MYO1F: variants seen among roughly 807,000 people sequenced by gnomAD.
The protein encoded by MYO1F is myosin IF.
Under a neutral mutation model 146.6 loss-of-function variants are expected in MYO1F, and 60 were observed. That is an observed-to-expected ratio of 0.41 (90% CI 0.33 to 0.51). The LOEUF (loss-of-function observed/expected upper bound fraction) is 0.51. Among genes scored for constraint, MYO1F ranks in the 20% least tolerant of loss-of-function variants. The pLI is 0.25. For synonymous variants in MYO1F, 602 were observed against 602.1 expected, an observed-to-expected ratio of 1.00 and a Z score of 0.00; for missense variants, 1,274 against 1,534.3, an observed-to-expected ratio of 0.83 and a Z score of 2.83.
At chr19:8,533,899 T>C (rs1255432376) in intron 19 of MYO1F, among the ~76,000 whole-genome samples, 1 of 152,018 alleles carries the variant, frequency 6.6e-6, no homozygotes, top group Non-Finnish European at 1.5e-5. Flanking sequence ...AAAATCAAAA[T>C]AGGGGCCGGG....
chr19:8,548,586 T>C (rs1973469257), intron 10 of MYO1F, among the ~76,000 whole-genome samples: 1 of 150,766 alleles, frequency 6.6e-6, no homozygotes, highest in Non-Finnish European at 1.5e-5. Context: ...TCTGCACCTC[T>C]ATTTTCTTTT....
At chr19:8,563,367 A>G (rs1042397208) in intron 1 of MYO1F, among the ~76,000 whole-genome samples, 5 of 146,682 alleles carry the variant, frequency 3.4e-5, no homozygotes. Flanking sequence ...GTGAGATCTC[A>G]GCTCACTGCA....
intron 1 of MYO1F, among the ~76,000 whole-genome samples, chr19:8,567,744 G>A (rs1040635777): frequency 2.0e-5 from 3 of 152,214 alleles, no homozygotes; most frequent in African/African-American, 7.2e-5. Flanking sequence ...GAGGACCTTG[G>A]GGAGGACCCA....
chr19:8,546,216 C>T (rs1215511354), intron 12 of MYO1F, among the ~76,000 whole-genome samples: 2 of 151,830 alleles, frequency 1.3e-5, no homozygotes, highest in Non-Finnish European at 2.9e-5. Context: ...AGGTATGTGC[C>T]ACCACGCCGG....
chr19:8,553,431 C>T lies in MYO1F; in HGVS notation c.333G>A (p.Glu111=). The change falls in exon 5 of 28, where the codon GAG becomes GAA. Residue 111 remains glutamate (E), a synonymous_variant. Transcript: ENST00000644032. The part of the protein sequence containing the change: ...CENQCVIISG[E]SGAGKTVAAK... ...CTGCCACTGTCTTCCCAGCTCCACTCTCTCCACTGGGGATGAATGGAGGAA... is the reference window on the plus strand; with the variant it reads ...CTGCCACTGTCTTCCCAGCTCCACTTTCTCCACTGGGGATGAATGGAGGAA... The T allele has an allele frequency of 1.2e-6, 2 of 1,613,918 alleles. No homozygotes were observed. Among genetic ancestry groups the T allele is most frequent in the Non-Finnish European group, 1.7e-6 (2 of 1,179,784 alleles).
chr19:8,543,243 T>C (rs1350189339), intron 14 of MYO1F, among the ~76,000 whole-genome samples: 1 of 152,200 alleles, frequency 6.6e-6, no homozygotes, highest in East Asian at 1.9e-4. Context: ...GAACTTCTGC[T>C]CTCATGTTGT....
At chr19:8,576,334 G>A (rs1333327337) in intron 1 of MYO1F, 4 of 152,312 alleles carry the variant, frequency 2.6e-5, no homozygotes, top group Non-Finnish European at 5.9e-5. Flanking sequence ...TTGTCTCTCA[G>A]ACTAACACCA....
chr19:8,554,341 T>A (rs1351906477), intron 4 of MYO1F, 136 bp downstream of exon 4: 2 of 799,312 alleles, frequency 2.5e-6, no homozygotes, highest in Non-Finnish European at 4.5e-6. Context: ...ACAAGGAAAA[T>A]AAAACAGAGT....
chr19:8,544,155 C>CG, intron 14 of MYO1F, 142 bp downstream of exon 14: 1 of 878,028 alleles, frequency 1.1e-6, no homozygotes, highest in African/African-American at 1.9e-5. Context: ...TGGATTGAGG[C>CG]GGGGGACAGT....
chr19:8,562,935 C>T (rs551346484), intron 1 of MYO1F, among the ~76,000 whole-genome samples: 5 of 152,214 alleles, frequency 3.3e-5, no homozygotes, highest in African/African-American at 9.6e-5. Flanking sequence ...CAGGTGGGAG[C>T]ACCTGGTGGC....
At chr19:8,575,279 G>A (rs1016987005) in intron 1 of MYO1F, among the ~76,000 whole-genome samples, 15 of 151,222 alleles carry the variant, frequency 9.9e-5, no homozygotes, top group African/African-American at 3.4e-4. Context: ...GTCTCACCAC[G>A]TTGGCCAGGA....
In MYO1F at chr19:8,545,644, C is replaced by T. The variant is rs752532993; in HGVS notation, c.1356+6G>A. On this transcript the variant is annotated splice_donor_region_variant and intron_variant, in intron 13 of 27. Transcript: ENST00000644032. ...ACGCCCCCGCCAAAGTTGACCCAGC[C>T]CTCACCAGCTTGTTTTCGATGAGGT... 37 of 1,613,234 alleles carry T rather than the reference C, an allele frequency of 2.3e-5. No homozygotes were observed. The highest frequency in any genetic ancestry group is 4.0e-5 in the African/African-American group (3 of 74,908).
intron 1 of MYO1F, among the ~76,000 whole-genome samples, chr19:8,562,003 C>T (rs550367755): frequency 1.3e-5 from 2 of 151,748 alleles, no homozygotes; most frequent in Admixed American, 1.3e-4. Flanking sequence ...GCATGAGCCA[C>T]TGCGTCTGGC....
intron 10 of MYO1F, chr19:8,549,734 A>G (rs936842221): frequency 9.6e-6 from 2 of 208,218 alleles, no homozygotes; most frequent in Non-Finnish European, 2.0e-5. Flanking sequence ...CAAACTCCAG[A>G]CCTCAAGTGA....
chr19:8,536,905 A>G, intron 17 of MYO1F, 44 bp downstream of exon 17: 1 of 1,173,034 alleles, frequency 8.5e-7, no homozygotes, highest in Non-Finnish European at 1.1e-6. Context: ...GGGTAACTGC[A>G]GGGCCTGGGG....
chr19:8,538,035 G>A (rs966718151), intron 16 of MYO1F, among the ~76,000 whole-genome samples: 2 of 150,124 alleles, frequency 1.3e-5, no homozygotes, highest in African/African-American at 4.9e-5. Flanking sequence ...GCAGTGGCAT[G>A]ATCTCGGCTC....
chr19:8,551,976 T>G (rs1339181625), intron 7 of MYO1F, 57 bp downstream of exon 7: 10 of 1,613,806 alleles, frequency 6.2e-6, no homozygotes, highest in Middle Eastern at 1.6e-4. Context: ...ACCTTCCCAT[T>G]GTCCACCCCG....
intron 1 of MYO1F, among the ~76,000 whole-genome samples, chr19:8,571,225 G>A (rs12460946): frequency 0.11 from 16,022 of 152,176 alleles, 967 homozygotes; most frequent in Non-Finnish European, 0.14. Flanking sequence ...AGCTGCTTCT[G>A]GAGCCAGCTC....
intron 17 of MYO1F, 27 bp from the exon 18 acceptor site, chr19:8,536,624 C>T (rs781088747): frequency 3.9e-6 from 4 of 1,028,778 alleles, no homozygotes; most frequent in East Asian, 5.7e-5. Flanking sequence ...GCTGAGTCCC[C>T]TCGGGGTGGG....
Sources: allele counts gnomAD v4.1 joint callset (sites outside exome capture counted in the v4.1 genomes callset), GRCh38; gene constraint gnomAD v4.1.1; transcripts MANE v1.5; gene names NCBI Gene and HGNC (gene_info 2026-07-23, HGNC 2026-07-21).